The following PDE10A variants were observed in gnomAD, a reference collection of about 807,000 sequenced individuals.
The protein encoded by PDE10A is cAMP and cAMP-inhibited cGMP 3',5'-cyclic phosphodiesterase 10A.
PDE10A carries 39 observed loss-of-function variants against 97.7 expected under a neutral mutation model. That is an observed-to-expected ratio of 0.40 (90% confidence interval 0.31 to 0.52). PDE10A has a LOEUF of 0.52. Ranked by LOEUF, PDE10A falls within the 20% of genes least tolerant of loss-of-function variation. The pLI, the probability that PDE10A is intolerant of heterozygous loss-of-function variation, is 0.56. For missense variants in PDE10A, 731 were observed against 1,047.8 expected, an observed-to-expected ratio of 0.70 and a Z score of 4.17; for synonymous variants, 371 against 376.8, an observed-to-expected ratio of 0.98 and a Z score of 0.18.
At chr6:165,617,402 T>C (rs1271623432) in intron 1 of PDE10A, among the ~76,000 whole-genome samples, 1 of 152,200 alleles carries the variant, frequency 6.6e-6, no homozygotes, top group Non-Finnish European at 1.5e-5. Context: ...TGGAGTGCAG[T>C]GGCGGGATCT....
chr6:165,781,186 T>A (rs986513047), intron 1 of PDE10A: 1 of 152,282 alleles, frequency 6.6e-6, no homozygotes, highest in African/African-American at 2.4e-5. Flanking sequence ...TTCTCTGCCA[T>A]GTTATGACGC....
At chr6:165,955,154 G>A (rs566620547) in intron 1 of PDE10A, among the ~76,000 whole-genome samples, 34 of 152,158 alleles carry the variant, frequency 2.2e-4, no homozygotes, top group Admixed American at 1.7e-3. Flanking sequence ...AAGAGGGCTC[G>A]CACTCACCTT....
chr6:165,901,033 G>A (rs2128484181), intron 1 of PDE10A, among the ~76,000 whole-genome samples: 1 of 152,286 alleles, frequency 6.6e-6, no homozygotes, highest in East Asian at 1.9e-4. Context: ...CAGGCTGCGT[G>A]GGATGAAGCA....
intron 1 of PDE10A, among the ~76,000 whole-genome samples, chr6:165,762,993 A>AAAAGGAAAT (rs1793288696): frequency 6.6e-6 from 1 of 152,232 alleles, no homozygotes; most frequent in Admixed American, 6.5e-5. Context: ...GGAACAAGGA[A>AAAAGGAAAT]AAAGGAAATT....
chr6:165,947,327 A>G (rs1783804115), intron 1 of PDE10A: 1 of 152,224 alleles, frequency 6.6e-6, no homozygotes, highest in South Asian at 2.1e-4. Flanking sequence ...GCCATTGCTG[A>G]TGCTTAAGTT....
At chr6:165,913,572 C>T (rs1321957751) in intron 1 of PDE10A, among the ~76,000 whole-genome samples, 2 of 152,070 alleles carry the variant, frequency 1.3e-5, no homozygotes, top group African/African-American at 2.4e-5. Context: ...TAAATATTCT[C>T]AGTCCGAGTT....
intron 1 of PDE10A, among the ~76,000 whole-genome samples, chr6:165,619,163 T>C (rs1787896984): frequency 6.8e-6 from 1 of 147,000 alleles, no homozygotes; most frequent in East Asian, 2.0e-4. Flanking sequence ...TGTAGTGTAG[T>C]GTAGTGTAGT....
rs77099607 is a variant in PDE10A at position 165,651,439 on chromosome 6, G to A, written c.865+10508C>T. On this transcript the variant is annotated intron_variant, in intron 1 of 21. Coordinates refer to ENST00000539869, the MANE Select transcript of PDE10A (RefSeq NM_001385079.1). ...CACTATGCTGTGATAGGAGCTTTAA[G>A]TGTTTTCTCTAGGGCCACAATTCAA... Among the ~76,000 whole-genome samples, 81 of 152,296 alleles carry A rather than the reference G, an allele frequency of 5.3e-4. No individual in the cohort carries two copies. The East Asian group carries it at 0.014, about 27-fold the overall frequency.
intron 1 of PDE10A, among the ~76,000 whole-genome samples, chr6:165,919,855 C>T (rs1004476267): frequency 9.2e-5 from 14 of 152,278 alleles, no homozygotes; most frequent in Non-Finnish European, 1.6e-4. Context: ...GGAAGTCAGA[C>T]GGAAGCAGAA....
intron 1 of PDE10A, among the ~76,000 whole-genome samples, chr6:165,604,328 T>C (rs183878811): frequency 4.3e-4 from 65 of 152,246 alleles, no homozygotes; most frequent in Admixed American, 2.0e-3. Flanking sequence ...AAGTGAATCA[T>C]TGGCGATAGT....
At chr6:165,628,668 T>C (rs917253685) in intron 1 of PDE10A, among the ~76,000 whole-genome samples, 11 of 152,270 alleles carry the variant, frequency 7.2e-5, no homozygotes, top group Admixed American at 2.6e-4. Flanking sequence ...AGAAAAAGAA[T>C]ACCTGATATT....
chr6:165,390,267 A>G (rs926755294), intron 16 of PDE10A, among the ~76,000 whole-genome samples: 24 of 152,158 alleles, frequency 1.6e-4, no homozygotes, highest in African/African-American at 5.8e-4. Flanking sequence ...CTGAGCACTA[A>G]CCCTTGGATC....
chr6:165,937,324 C>T lies in PDE10A; in HGVS notation c.-615+50205G>A, dbSNP rs960945620. Reference sequence around the variant, plus strand: ...TACAAGACAAGAAGACATTAGCTAGCATACAGATTTTAACTATCTTCTTCT... The same window carrying T: ...TACAAGACAAGAAGACATTAGCTAGTATACAGATTTTAACTATCTTCTTCT... On this transcript the variant is annotated intron_variant, in intron 1 of 19. Transcript: ENST00000366882. 5.9e-5 allele frequency among the ~76,000 whole-genome samples: 9 copies of T among 152,352 alleles called. No individual in the cohort carries two copies. The East Asian group carries it at 1.7e-3, about 29-fold the overall frequency.
intron 7 of PDE10A, among the ~76,000 whole-genome samples, chr6:165,432,063 A>G (rs1789614024): frequency 1.3e-5 from 2 of 152,222 alleles, no homozygotes; most frequent in Non-Finnish European, 2.9e-5. Flanking sequence ...ACAAATATTC[A>G]TGAGTGTCTA....
At chr6:165,640,645 G>A (rs1055966621) in intron 1 of PDE10A, among the ~76,000 whole-genome samples, 2 of 152,168 alleles carry the variant, frequency 1.3e-5, no homozygotes, top group Non-Finnish European at 2.9e-5. Flanking sequence ...GTTCAGAAAC[G>A]CGGAAACCAC....
At chr6:165,710,276 T>A (rs1791861814) in intron 1 of PDE10A, among the ~76,000 whole-genome samples, 1 of 152,146 alleles carries the variant, frequency 6.6e-6, no homozygotes, top group African/African-American at 2.4e-5. Flanking sequence ...TGTATCTTGG[T>A]CCTAATTGCA....
At chr6:165,589,853 C>A (rs1786145744) in intron 1 of PDE10A, among the ~76,000 whole-genome samples, 1 of 151,980 alleles carries the variant, frequency 6.6e-6, no homozygotes, top group African/African-American at 2.4e-5. Flanking sequence ...CAAGTCTAAC[C>A]AATCAGCCAC....
chr6:165,770,673 G>C (rs533339201), intron 1 of PDE10A, among the ~76,000 whole-genome samples: 167 of 152,302 alleles, frequency 1.1e-3, no homozygotes, highest in Non-Finnish European at 1.9e-3. Context: ...TCCCGGGAGA[G>C]TCATCTGCCA....
chr6:165,596,851 C>T (rs1786630257), intron 1 of PDE10A, among the ~76,000 whole-genome samples: 1 of 152,152 alleles, frequency 6.6e-6, no homozygotes, highest in Non-Finnish European at 1.5e-5. Context: ...ACGTTGCTCT[C>T]CTCCTCTACT....
Sources: gnomAD v4.1 joint callset for allele counts (sites outside exome capture counted in the v4.1 genomes callset) on GRCh38, gnomAD v4.1.1 for gene constraint, MANE v1.5 for transcripts, NCBI Gene and HGNC (gene_info 2026-07-23, HGNC 2026-07-21) for gene names.